BACE1: variants seen among roughly 807,000 people sequenced by gnomAD.
BACE1 encodes the protein beta-secretase 1.
In BACE1, 21 loss-of-function variants were observed where a neutral mutation model predicts 54.0. That is an observed-to-expected ratio of 0.39 (90% CI 0.28 to 0.56). The LOEUF (loss-of-function observed/expected upper bound fraction) is 0.56, where lower values mean the gene tolerates loss of function less well. BACE1 is among the 20% of genes least tolerant of loss of function. The probability of loss-of-function intolerance (pLI) is 0.63; values close to 1 mark genes in which losing one functional copy is unlikely to be tolerated. For missense variants in BACE1, 511 were observed against 661.2 expected (o/e 0.77, Z 2.49); for synonymous variants, 232 against 260.9 (o/e 0.89, Z 1.07).
At chr11:117,312,128 A>G (rs2034955749) in intron 1 of BACE1, among the ~76,000 whole-genome samples, 1 of 152,102 alleles carries the variant, frequency 6.6e-6, no homozygotes, top group African/African-American at 2.4e-5. Flanking sequence ...CTTAGCCTAA[A>G]CCTGTAATAT....
chr11:117,300,586 C>A (rs1025680606), intron 1 of BACE1, among the ~76,000 whole-genome samples: 13 of 152,202 alleles, frequency 8.5e-5, no homozygotes, highest in African/African-American at 3.1e-4. Context: ...GCCGCCGAAC[C>A]CCAGCAGCTG....
chr11:117,309,868 A>T (rs1031345140), intron 1 of BACE1, among the ~76,000 whole-genome samples: 1 of 152,226 alleles, frequency 6.6e-6, no homozygotes, highest in African/African-American at 2.4e-5. Flanking sequence ...ATGTTTGGTC[A>T]GTGATGCTCA....
chr11:117,309,570 A>C (rs1331790353), intron 1 of BACE1, among the ~76,000 whole-genome samples: 1 of 152,248 alleles, frequency 6.6e-6, no homozygotes, highest in Non-Finnish European at 1.5e-5. Context: ...AAAACAAAAC[A>C]AAACCCTCCT....
At chr11:117,309,951 C>G (rs2034908574) in intron 1 of BACE1, among the ~76,000 whole-genome samples, 1 of 152,088 alleles carries the variant, frequency 6.6e-6, no homozygotes, top group Non-Finnish European at 1.5e-5. Flanking sequence ...CTCTGTCACC[C>G]AGGCTGGAGT....
chr11:117,294,082 G>T, intron 3 of BACE1, 74 bp from the exon 4 acceptor site: 1 of 1,528,966 alleles, frequency 6.5e-7, no homozygotes, highest in Non-Finnish European at 8.8e-7. Flanking sequence ...GTCTAAACTG[G>T]AAGGCAAATT....
At position 117,315,433 on chromosome 11, in the gene BACE1, C is replaced by T. The variant is rs1431343348; in HGVS notation, c.261+102G>A. 6 of 1,458,896 alleles carry T rather than the reference C, an allele frequency of 4.1e-6. No homozygotes were observed. In the East Asian group the frequency reaches 1.7e-4, roughly 40 times the overall value. The allele number at this position is 1,458,896 out of a possible 1,614,324, so 90.4% of individuals were successfully genotyped here. A position where few individuals can be genotyped will look rare whatever the true frequency, so the allele number is the denominator to read the frequency against. ...GCTGGGGAGGGGTCCCTCCTGCTGT[C>T]CCCACCAGCCCATTTGAGCAGGGGC... On this transcript the variant is annotated intron_variant, in intron 1 of 8. Transcript: ENST00000313005. The surrounding 1 kb of genome is among the most constrained non-coding windows in gnomAD (Gnocchi z 5.5).
In BACE1 at chr11:117,316,056, G is replaced by A. The variant is rs2035110181; in HGVS notation, c.-261C>T. 2.5e-6 allele frequency: 1 copy of A among 398,968 alleles called. No individual in the cohort carries two copies. Among genetic ancestry groups the A allele is most frequent in the Non-Finnish European group, 4.4e-6 (1 of 227,606 alleles). 24.7% of individuals were successfully genotyped at this position (398,968 alleles called of 1,614,324 possible). Reference sequence around the variant, plus strand: ...ATCGGCACGGCGGCGGCCAGCCTGGGCAGCGGGCGCGGGCTCCCGGCGGGG... The same window carrying A: ...ATCGGCACGGCGGCGGCCAGCCTGGACAGCGGGCGCGGGCTCCCGGCGGGG... On this transcript the variant is annotated 5_prime_UTR_variant, in exon 1 of 9. Coordinates refer to ENST00000313005, the MANE Select transcript of BACE1 (RefSeq NM_012104.6).
chr11:117,298,171 G>A (rs2034645141), intron 1 of BACE1, among the ~76,000 whole-genome samples: 2 of 151,834 alleles, frequency 1.3e-5, no homozygotes, highest in African/African-American at 2.4e-5. Context: ...GTGTGGTGAC[G>A]CACGCCTATA....
intron 1 of BACE1, among the ~76,000 whole-genome samples, chr11:117,300,869 A>G (rs924734711): frequency 6.6e-6 from 1 of 152,104 alleles, no homozygotes. Context: ...TCTTCATTAA[A>G]ACAAAAACAA....
chr11:117,299,311 A>G (rs1026002640), intron 1 of BACE1, among the ~76,000 whole-genome samples: 1 of 151,920 alleles, frequency 6.6e-6, no homozygotes, highest in African/African-American at 2.4e-5. Flanking sequence ...AGGGGCCTTC[A>G]TTTCTGTATC....
At chr11:117,299,244 G>A (rs2034668426) in intron 1 of BACE1, among the ~76,000 whole-genome samples, 1 of 152,164 alleles carries the variant, frequency 6.6e-6, no homozygotes, top group South Asian at 2.1e-4. Context: ...ATGGTAATTT[G>A]TAAGTTGCAT....
In BACE1 at chr11:117,315,691, C is replaced by T; in HGVS notation, c.105G>A (p.Gly35=). The T allele has an allele frequency of 3.3e-6, 5 of 1,514,194 alleles. No individual in the cohort carries two copies. The highest frequency in any genetic ancestry group is 4.4e-6 in the Non-Finnish European group (5 of 1,133,500). 93.8% of individuals were successfully genotyped at this position (1,514,194 alleles called of 1,614,324 possible). ...GCAGCCGCAGCCCCAGGGGGGCGCC[C>T]CCCAGGCCGCTGCGCAGGGGCAGCC... The part of the protein sequence containing the change: ...GIRLPLRSGL[G]GAPLGLRLPR... The change falls in exon 1 of 9, where the codon GGG becomes GGA. Residue 35 remains glycine, a synonymous_variant. Transcript: ENST00000313005. The surrounding 1 kb of genome is among the most constrained non-coding windows in gnomAD (Gnocchi z 5.5).
intron 1 of BACE1, among the ~76,000 whole-genome samples, chr11:117,301,523 C>T (rs531979410): frequency 2.3e-4 from 35 of 152,048 alleles, no homozygotes; most frequent in African/African-American, 8.2e-4. Context: ...GTGAAAGGAT[C>T]GCTTGAGCCC....
intron 1 of BACE1, among the ~76,000 whole-genome samples, chr11:117,298,453 C>G (rs1405496520): frequency 6.6e-6 from 1 of 152,230 alleles, no homozygotes; most frequent in East Asian, 1.9e-4. Flanking sequence ...GTGTACCTGA[C>G]TGATTCTGTC....
rs1490662184 is a variant in BACE1 at position 117,289,526 on chromosome 11, G to A, written c.*40C>T. ...TGTGACCAAAGTGAACCACGGAGGT[G>A]TGGTCCAGGGGAATCTCTATCTTCT... On this transcript the variant is annotated 3_prime_UTR_variant, in exon 9 of 9. Coordinates refer to ENST00000313005, the MANE Select transcript of BACE1 (RefSeq NM_012104.6). 2 of 1,605,810 alleles carry A rather than the reference G, an allele frequency of 1.2e-6. No homozygotes were observed. Among genetic ancestry groups the A allele is most frequent in the Non-Finnish European group, 1.7e-6 (2 of 1,175,220 alleles).
intron 6 of BACE1, 69 bp downstream of exon 6, chr11:117,291,643 G>T: frequency 8.7e-7 from 1 of 1,149,178 alleles, no homozygotes. Context: ...TGTTGCTGAA[G>T]AATGTGACTC....
chr11:117,302,552 T>C (rs2034747591), intron 1 of BACE1, among the ~76,000 whole-genome samples: 2 of 152,086 alleles, frequency 1.3e-5, no homozygotes, highest in South Asian at 4.1e-4. Flanking sequence ...CTCAAGGGAC[T>C]TCCTTAGGGA....
chr11:117,315,799 G>A lies in BACE1; in HGVS notation c.-4C>T, dbSNP rs1481438595. On this transcript the variant is annotated 5_prime_UTR_variant, in exon 1 of 9. Coordinates refer to ENST00000313005, the MANE Select transcript of BACE1 (RefSeq NM_012104.6). The surrounding 1 kb of genome is among the most constrained non-coding windows in gnomAD (Gnocchi z 5.5). ...GCCAGGGCAGGGCTTGGGCCATGGT[G>A]GGCCCCGGCCTTCGGGCCCTCTGGG... The A allele has an allele frequency of 7.1e-7, 1 of 1,407,462 alleles. No homozygotes were observed. 87.2% of individuals were successfully genotyped at this position (1,407,462 alleles called of 1,614,324 possible).
rs762244325 is a variant in BACE1, at chr11:117,293,020, C to G, written c.840+34G>C. On this transcript the variant is annotated intron_variant, in intron 5 of 8. Coordinates refer to ENST00000313005, the MANE Select transcript of BACE1 (RefSeq NM_012104.6). The surrounding 1 kb of genome is among the most constrained non-coding windows in gnomAD (Gnocchi z 4.1). ...TCCTTCACATTGTACTGCCTACCCC[C>G]TTATGTTCCCAGGCTCTCCCTTGGT... The G allele has an allele frequency of 6.2e-7, 1 of 1,610,610 alleles. No individual in the cohort carries two copies.
Sources: allele counts gnomAD v4.1 joint callset (sites outside exome capture counted in the v4.1 genomes callset), GRCh38; gene constraint gnomAD v4.1.1; non-coding constraint Gnocchi (gnomAD v3.1); transcripts MANE v1.5; gene names NCBI Gene and HGNC (gene_info 2026-07-23, HGNC 2026-07-21).